Variants in MYO18B observed in about 807,000 individuals in gnomAD.
MYO18B encodes the protein myosin XVIIIB.
A neutral mutation model predicts 273.0 loss-of-function variants in MYO18B; 204 were observed. The observed-to-expected ratio is 0.75, with a 90% CI of 0.67 to 0.84. The LOEUF is 0.84. Among genes scored for constraint, MYO18B ranks in the 40% least tolerant of loss-of-function variants. The pLI, the probability that MYO18B is intolerant of heterozygous loss-of-function variation, is 0.00. For missense variants in MYO18B, 3,212 were observed against 3,287.6 expected (o/e 0.98, Z 0.56); for synonymous variants, 1,330 against 1,305.7 (o/e 1.02, Z -0.40).
At chr22:26,006,238 C>G (rs567671096) in intron 42 of MYO18B, among the ~76,000 whole-genome samples, 17 of 151,904 alleles carry the variant, frequency 1.1e-4, no homozygotes. Context: ...TTGTTTGGCA[C>G]CTGTTTGAAT....
At chr22:25,767,842 C>T (rs576078180) in intron 3 of MYO18B, among the ~76,000 whole-genome samples, 27 of 146,494 alleles carry the variant, frequency 1.8e-4, no homozygotes, top group Middle Eastern at 3.6e-3. Context: ...TAGCTAAGGT[C>T]ACACAGCTAT....
chr22:25,898,641 AATT>A, intron 29 of MYO18B, 180 bp downstream of exon 29: 1 of 643,744 alleles, frequency 1.6e-6, no homozygotes, highest in Non-Finnish European at 2.5e-6. Flanking sequence ...TCCAGCAAGA[AATT>A]ATTCTTTTCT....
intron 21 of MYO18B, among the ~76,000 whole-genome samples, 193 bp downstream of exon 21, chr22:25,851,772 G>A (rs971839047): frequency 4.6e-5 from 7 of 152,202 alleles, no homozygotes; most frequent in Admixed American, 4.6e-4. Flanking sequence ...CTAAGGTCCA[G>A]TGGGCTCATG....
chr22:25,758,186 G>A (rs2086186091), intron 1 of MYO18B, among the ~76,000 whole-genome samples: 1 of 152,090 alleles, frequency 6.6e-6, no homozygotes, highest in South Asian at 2.1e-4. Flanking sequence ...GCTAATATTT[G>A]TATTTTTAGT....
At chr22:25,812,148 A>G (rs1287214297) in intron 12 of MYO18B, among the ~76,000 whole-genome samples, 1 of 152,164 alleles carries the variant, frequency 6.6e-6, no homozygotes, top group Non-Finnish European at 1.5e-5. Context: ...GCATTTTTAA[A>G]GGGACTTGCT....
chr22:25,960,029 G>T (rs1005730395), intron 39 of MYO18B, among the ~76,000 whole-genome samples: 1 of 152,078 alleles, frequency 6.6e-6, no homozygotes, highest in Non-Finnish European at 1.5e-5. Context: ...TGTTGGTGTT[G>T]GTTTAAAGAA....
intron 34 of MYO18B, among the ~76,000 whole-genome samples, chr22:25,941,358 CA>C (rs1461445604): frequency 6.6e-6 from 1 of 152,194 alleles, no homozygotes; most frequent in Non-Finnish European, 1.5e-5. Context: ...ACACTGGCCA[CA>C]AGGGTTGGAG....
At chr22:25,948,294 TATCC>T (rs1394045786) in intron 36 of MYO18B, among the ~76,000 whole-genome samples, 24 of 151,138 alleles carry the variant, frequency 1.6e-4, no homozygotes, top group African/African-American at 4.9e-4. Context: ...TCCATTCATT[TATCC>T]ATCCATGCAG....
intron 7 of MYO18B, among the ~76,000 whole-genome samples, chr22:25,772,726 C>T (rs1375994107): frequency 6.6e-6 from 1 of 152,240 alleles, no homozygotes; most frequent in Admixed American, 6.5e-5. Context: ...AGGACAGAAA[C>T]AGCAGCATTA....
chr22:25,867,319 C>A (rs1449737559), intron 21 of MYO18B, among the ~76,000 whole-genome samples: 2 of 152,146 alleles, frequency 1.3e-5, no homozygotes, highest in Non-Finnish European at 2.9e-5. Flanking sequence ...CACCATAATT[C>A]TTTATTCTCC....
intron 13 of MYO18B, among the ~76,000 whole-genome samples, chr22:25,824,932 A>ACACACATG (rs2089434664): frequency 6.6e-6 from 1 of 152,162 alleles, no homozygotes; most frequent in African/African-American, 2.4e-5. Context: ...ACACACATGC[A>ACACACATG]CAGACACTGG....
intron 40 of MYO18B, among the ~76,000 whole-genome samples, chr22:26,000,094 A>G (rs1933809017): frequency 6.6e-6 from 1 of 152,204 alleles, no homozygotes. Flanking sequence ...GCCCCTGCCC[A>G]CTCAGCAGAA....
At chr22:25,893,904 C>T (rs926841925) in intron 27 of MYO18B, among the ~76,000 whole-genome samples, 2 of 151,924 alleles carry the variant, frequency 1.3e-5, no homozygotes, top group Non-Finnish European at 2.9e-5. Context: ...TCCACCCATG[C>T]ACCCACTTCT....
intron 35 of MYO18B, among the ~76,000 whole-genome samples, chr22:25,947,385 G>C (rs1471347869): frequency 6.6e-6 from 1 of 151,482 alleles, no homozygotes; most frequent in African/African-American, 2.4e-5. Flanking sequence ...ATATGTACTA[G>C]GCACATTTAA....
chr22:26,053,457 A>G, the MYO18B span, among the ~76,000 whole-genome samples: 2 of 152,320 alleles, frequency 1.3e-5, no homozygotes, highest in South Asian at 4.1e-4. Context: ...ACTTACACCC[A>G]TGTCTATTTC....
the MYO18B span, among the ~76,000 whole-genome samples, chr22:26,055,992 T>C: frequency 9.9e-5 from 15 of 152,078 alleles, no homozygotes. Context: ...TCCTGATTGA[T>C]AGCAGACTTG....
intron 33 of MYO18B, among the ~76,000 whole-genome samples, chr22:25,916,998 C>T (rs1366614893): frequency 6.6e-6 from 1 of 152,136 alleles, no homozygotes; most frequent in Non-Finnish European, 1.5e-5. Flanking sequence ...CGCCACTGCA[C>T]TCCAGCCTGG....
At chr22:25,947,487 T>TACACACACACACACACACACACACAC in intron 35 of MYO18B, among the ~76,000 whole-genome samples, 1 of 110,676 alleles carries the variant, frequency 9.0e-6, no homozygotes, top group South Asian at 3.6e-4. Flanking sequence ...TAATGCCTAA[T>TACACACACACACACACACACACACAC]ACACACACAC....
chr22:25,935,667 A>G (rs1049211185), intron 34 of MYO18B, among the ~76,000 whole-genome samples: 2 of 152,128 alleles, frequency 1.3e-5, no homozygotes, highest in East Asian at 1.9e-4. Context: ...TGTTTCTCCC[A>G]GAGTACCCTC....
Sources: allele counts gnomAD v4.1 joint callset (sites outside exome capture counted in the v4.1 genomes callset), GRCh38; gene constraint gnomAD v4.1.1; transcripts MANE v1.5; gene names NCBI Gene and HGNC (gene_info 2026-07-23, HGNC 2026-07-21).